U2SURP: variants seen among roughly 807,000 people sequenced by gnomAD.
U2SURP encodes the protein U2 snRNP associated SURP domain containing, also known as U2 snRNP-associated SURP motif-containing protein.
U2SURP carries 9 observed loss-of-function variants against 144.9 expected under a neutral mutation model. That is an observed-to-expected ratio of 0.06 (90% CI 0.04 to 0.11). The LOEUF is 0.11. U2SURP is among the 10% of genes least tolerant of loss of function. The probability of loss-of-function intolerance (pLI) is 1.00; values close to 1 mark genes in which losing one functional copy is unlikely to be tolerated. For missense variants in U2SURP, 724 were observed against 1,226.7 expected (o/e 0.59, Z 6.12); for synonymous variants, 408 against 396.8 (o/e 1.03, Z -0.33).
In U2SURP at chr3:143,022,847, T is replaced by C. The variant is rs751338894; in HGVS notation, c.1019-6T>C. On this transcript the variant is annotated splice_region_variant and splice_polypyrimidine_tract_variant and intron_variant, in intron 11 of 27. Transcript: ENST00000473835. Reference sequence around the variant, plus strand: ...AACAAAATGACCTTTCATTTCTTTCTTGTAGGAAAAATGATTATGTCTTTT... The same window carrying C: ...AACAAAATGACCTTTCATTTCTTTCCTGTAGGAAAAATGATTATGTCTTTT... 2 of 1,548,764 alleles carry C rather than the reference T, an allele frequency of 1.3e-6. No homozygotes were observed. Among genetic ancestry groups the C allele is most frequent in the East Asian group, 4.5e-5 (2 of 44,122 alleles).
intron 26 of U2SURP, 65 bp downstream of exon 26, chr3:143,053,859 A>G (rs1197079382): frequency 3.8e-6 from 5 of 1,307,820 alleles, no homozygotes; most frequent in Non-Finnish European, 5.1e-6. Flanking sequence ...GTTTTATAAT[A>G]CTTTCATCAT....
intron 1 of U2SURP, among the ~76,000 whole-genome samples, chr3:143,005,314 C>T (rs543231735): frequency 1.3e-5 from 2 of 152,242 alleles, no homozygotes; most frequent in African/African-American, 4.8e-5. Flanking sequence ...AATAAGTAAA[C>T]TGAGGACCTG....
intron 16 of U2SURP, 61 bp downstream of exon 16, chr3:143,028,707 T>A: frequency 7.1e-7 from 1 of 1,403,378 alleles, no homozygotes; most frequent in Non-Finnish European, 9.7e-7. Context: ...TTGCTTTAAT[T>A]AATGGTCTTA....
rs1935206660 is a variant in U2SURP at position 143,057,605 on chromosome 3, A to C, written c.*1155A>C. ...AAATAAAACTTGTGTAATGTTGGTC[A>C]TAATACTGCTATAAATATAATAAAG... On this transcript the variant is annotated 3_prime_UTR_variant, in exon 28 of 28. Transcript: ENST00000473835. 2 of 152,024 alleles carry C rather than the reference A, an allele frequency of 1.3e-5. No homozygotes were observed. Among genetic ancestry groups the C allele is most frequent in the African/African-American group, 4.8e-5 (2 of 41,440 alleles). The allele number at this position is 152,024 out of a possible 1,614,324, so 9.4% of individuals were successfully genotyped here.
chr3:143,038,374 T>TA (rs1251987538), intron 22 of U2SURP, among the ~76,000 whole-genome samples, 171 bp downstream of exon 22: 7 of 152,178 alleles, frequency 4.6e-5, no homozygotes, highest in Middle Eastern at 3.4e-3. Context: ...GTGTTGCTGT[T>TA]ACAATTTTCT....
At position 143,060,014 on chromosome 3, in the gene U2SURP, A is replaced by G. The variant is rs1259782951; in HGVS notation, c.*3564A>G. The stretch of plus-strand genomic sequence containing the variant: ...AGGGGAAGTGTTGTGATGCTAGACT[A>G]AAAGGTGGGAATGTGCTGCTGTTCC... On this transcript the variant is annotated 3_prime_UTR_variant, in exon 28 of 28. Transcript: ENST00000473835. The G allele has an allele frequency of 2.6e-5, 4 of 152,458 alleles. No individual in the cohort carries two copies. Among genetic ancestry groups the G allele is most frequent in the African/African-American group, 9.7e-5 (4 of 41,442 alleles). The allele number at this position is 152,458 out of a possible 1,614,324, so 9.4% of individuals were successfully genotyped here.
intron 6 of U2SURP, among the ~76,000 whole-genome samples, chr3:143,018,305 C>T (rs1936475050): frequency 1.3e-5 from 2 of 151,806 alleles, no homozygotes; most frequent in South Asian, 4.1e-4. Flanking sequence ...ATAACGTGGT[C>T]TTTTGTATCT....
chr3:143,024,146 C>T (rs1403773472), intron 13 of U2SURP, 128 bp downstream of exon 13: 13 of 798,790 alleles, frequency 1.6e-5, no homozygotes, highest in Admixed American at 8.1e-5. Flanking sequence ...GTACTTTTTG[C>T]GGGGGGATGT....
chr3:143,053,707 A>G lies in U2SURP; in HGVS notation c.2687A>G (p.Glu896Gly). Residue 896 changes from glutamate to glycine, a missense_variant, in exon 26 of 28, where the codon GAA (glutamate) becomes GGA (glycine). Physicochemically the swap from Glu to Gly is moderately conservative, Grantham distance 98. This residue lies in a region of U2SURP where 129 missense variants were observed against 196.1 expected (regional missense o/e 0.66). Transcript: ENST00000473835. ...EKEKELERER[E>G]RDKKDKEKLE... ...GAGAAAGAGTTAGAAAGAGAACGAG[A>G]AAGAGACAAGAAAGATAAAGAAAAA... The G allele has an allele frequency of 1.3e-6, 2 of 1,568,040 alleles. No individual in the cohort carries two copies. Among genetic ancestry groups the G allele is most frequent in the Non-Finnish European group, 1.7e-6 (2 of 1,144,378 alleles).
intron 24 of U2SURP, among the ~76,000 whole-genome samples, chr3:143,044,971 C>T (rs1002681700): frequency 6.6e-6 from 1 of 152,150 alleles, no homozygotes; most frequent in African/African-American, 2.4e-5. Flanking sequence ...TATTCATATA[C>T]ATTTTAAATA....
At position 143,037,220 on chromosome 3, in the gene U2SURP, G is replaced by A. The variant is rs767366547; in HGVS notation, c.2106G>A (p.Glu702=). Residue 702 remains glutamate, a synonymous_variant, in exon 21 of 28, where the codon GAG becomes GAA. Transcript: ENST00000473835. ...DDLDGAPIEE[E]LDGAPLEDVD... ...TTGATGGTGCCCCCATCGAGGAAGA[G>A]CTTGATGGTGCACCTCTGGAAGATG... 3 of 1,612,356 alleles carry A rather than the reference G, an allele frequency of 1.9e-6. No individual in the cohort carries two copies. The highest frequency in any genetic ancestry group is 2.5e-6 in the Non-Finnish European group (3 of 1,179,190).
chr3:143,045,362 C>G (rs2108308546), intron 24 of U2SURP, among the ~76,000 whole-genome samples: 1 of 102,160 alleles, frequency 9.8e-6, no homozygotes, highest in East Asian at 2.9e-4. Flanking sequence ...GAGTGAGACG[C>G]CGTCAAAAAA....
intron 21 of U2SURP, 38 bp downstream of exon 21, chr3:143,037,373 A>ATAT: frequency 6.3e-7 from 1 of 1,582,764 alleles, no homozygotes; most frequent in Non-Finnish European, 8.6e-7. Flanking sequence ...TCTAGCTAAT[A>ATAT]CATTTGGTGA....
chr3:143,048,202 G>A (rs918212996), intron 24 of U2SURP, among the ~76,000 whole-genome samples: 6 of 152,234 alleles, frequency 3.9e-5, no homozygotes, highest in Admixed American at 2.6e-4. Context: ...ACTTCCTTTT[G>A]TGTTGAGACC....
At chr3:143,047,013 C>G (rs1460737102) in intron 24 of U2SURP, among the ~76,000 whole-genome samples, 1 of 140,552 alleles carries the variant, frequency 7.1e-6, no homozygotes, top group Non-Finnish European at 1.5e-5. Context: ...CCCCCCACCT[C>G]CCTCCTGGAT....
chr3:143,008,834 C>T (rs545827985), intron 1 of U2SURP, among the ~76,000 whole-genome samples: 131 of 152,344 alleles, frequency 8.6e-4, no homozygotes, highest in African/African-American at 3.0e-3. Context: ...GGCGCGATCT[C>T]AGCTCACTGC....
Position 143,016,991 on chromosome 3 carries a change from G to A in U2SURP, c.570+16G>A. 2 of 1,561,062 alleles carry A rather than the reference G, an allele frequency of 1.3e-6. No individual in the cohort carries two copies. Among genetic ancestry groups the A allele is most frequent in the Non-Finnish European group, 1.7e-6 (2 of 1,162,660 alleles). Reference sequence around the variant, plus strand: ...CAAAAAACCTGTAAGTCATACTTAAGTAATTGACCATTTATGTTCAGAGAT... The same window carrying A: ...CAAAAAACCTGTAAGTCATACTTAAATAATTGACCATTTATGTTCAGAGAT... On this transcript the variant is annotated intron_variant, in intron 6 of 27. Coordinates refer to ENST00000473835, the MANE Select transcript of U2SURP (RefSeq NM_001080415.2).
intron 18 of U2SURP, chr3:143,034,444 CTCTT>C (rs1933697746): frequency 6.6e-6 from 1 of 152,354 alleles, no homozygotes; most frequent in African/African-American, 2.4e-5. Context: ...CCCCAGAGCT[CTCTT>C]TCTGTGTTTA....
In U2SURP at chr3:143,013,864, G is replaced by T. The variant is rs113344020; in HGVS notation, c.223-447G>T. ...GTTTACCAAATTATAAAAAATAAGT[G>T]ATTTATAATATGTAAAATGAGTGTT... On this transcript the variant is annotated intron_variant, in intron 3 of 27. Transcript: ENST00000473835. Among the ~76,000 whole-genome samples, 231 of 152,088 alleles carry T rather than the reference G, an allele frequency of 1.5e-3. 1 individual carries two copies. The highest frequency in any genetic ancestry group is 5.4e-3 in the African/African-American group (223 of 41,532).
Sources: gnomAD v4.1 joint callset for allele counts (sites outside exome capture counted in the v4.1 genomes callset) on GRCh38, gnomAD v4.1.1 for gene constraint, gnomAD v4.1.1 regional missense constraint, MANE v1.5 for transcripts, NCBI Gene and HGNC (gene_info 2026-07-23, HGNC 2026-07-21) for gene names.